The following SENP6 variants were observed in gnomAD, a reference collection of about 807,000 sequenced individuals.
SENP6 encodes the protein sentrin-specific protease 6.
A neutral mutation model predicts 134.5 loss-of-function variants in SENP6; 41 were observed. The ratio of observed to expected loss-of-function variants is 0.30; its 90% CI spans 0.24 to 0.40. SENP6 has a LOEUF of 0.40. Among genes scored for constraint, SENP6 ranks in the 10% least tolerant of loss-of-function variants. SENP6 has a pLI of 1.00. For missense variants in SENP6, 1,248 were observed against 1,312.5 expected (o/e 0.95, Z 0.76); for synonymous variants, 395 against 429.8 (o/e 0.92, Z 1.00).
intron 1 of SENP6, among the ~76,000 whole-genome samples, chr6:75,605,213 A>G (rs185326082): frequency 6.6e-6 from 1 of 152,332 alleles, no homozygotes; most frequent in African/African-American, 2.4e-5. Context: ...TTTACTTTCC[A>G]GTCGAGTCCT....
intron 1 of SENP6, among the ~76,000 whole-genome samples, chr6:75,604,902 G>C (rs1363481878): frequency 6.6e-6 from 1 of 151,246 alleles, no homozygotes; most frequent in Non-Finnish European, 1.5e-5. Context: ...GTGAAACCCC[G>C]TCTCTACTAA....
At position 75,675,896 on chromosome 6, in the gene SENP6, C is replaced by A. The variant is rs1263716757; in HGVS notation, c.1463C>A (p.Thr488Asn). The A allele has an allele frequency of 3.7e-6, 6 of 1,607,672 alleles. No homozygotes were observed. The highest frequency in any genetic ancestry group is 5.1e-6 in the Non-Finnish European group (6 of 1,177,954). ...DHDPVEIILN[T>N]SDLTKCEWCN... is the part of the protein sequence containing the mutation. ...GATCCTGTAGAGATTATATTAAATA[C>A]CTCTGATCTAACTAAATGTGAATGG... is the stretch of plus-strand genomic sequence containing the variant. Residue 488 changes from threonine (T) to asparagine (N), a missense_variant, in exon 13 of 24, where the codon ACC becomes AAC. This residue lies in a region of SENP6 where 733 missense variants were observed against 725.4 expected (regional missense o/e 1.01). Coordinates refer to ENST00000447266, the MANE Select transcript of SENP6 (RefSeq NM_015571.4).
At chr6:75,665,765 G>A (rs1157983426) in intron 9 of SENP6, among the ~76,000 whole-genome samples, 2 of 152,076 alleles carry the variant, frequency 1.3e-5, no homozygotes, top group Non-Finnish European at 2.9e-5. Context: ...GGTGGCTCAC[G>A]CCTGTAATCC....
intron 6 of SENP6, among the ~76,000 whole-genome samples, chr6:75,644,542 T>C (rs1470518461): frequency 6.6e-6 from 1 of 151,456 alleles, no homozygotes; most frequent in Non-Finnish European, 1.5e-5. Flanking sequence ...TAGAGGGCAA[T>C]GGTGCAACCT....
At chr6:75,693,945 A>C (rs962125368) in intron 16 of SENP6, among the ~76,000 whole-genome samples, 1 of 152,108 alleles carries the variant, frequency 6.6e-6, no homozygotes, top group Admixed American at 6.6e-5. Flanking sequence ...TGTATAAAAA[A>C]ATAACTAAGG....
At chr6:75,619,445 A>ATGTGTGTGTGTGTGTGTGTGTG (rs61131437) in intron 1 of SENP6, among the ~76,000 whole-genome samples, 1 of 149,248 alleles carries the variant, frequency 6.7e-6, no homozygotes, top group African/African-American at 2.5e-5. Flanking sequence ...CGTTGTGTCT[A>ATGTGTGTGTGTGTGTGTGTGTG]TGTGTGTGTG....
chr6:75,709,449 T>C (rs974814581), intron 19 of SENP6, 78 bp from the exon 20 acceptor site: 2 of 886,720 alleles, frequency 2.3e-6, no homozygotes, highest in Non-Finnish European at 3.6e-6. Flanking sequence ...AATTAACTAC[T>C]AGCATTAATT....
At chr6:75,646,687 T>G (rs183161316) in intron 6 of SENP6, 1 of 152,390 alleles carries the variant, frequency 6.6e-6, no homozygotes, top group Non-Finnish European at 1.5e-5. Flanking sequence ...ATACAAAAAA[T>G]TAGCTGGGCG....
intron 6 of SENP6, among the ~76,000 whole-genome samples, chr6:75,644,711 C>A (rs1246598680): frequency 6.6e-6 from 1 of 152,186 alleles, no homozygotes; most frequent in African/African-American, 2.4e-5. Flanking sequence ...CCGCGAACTC[C>A]TGGCCTCAAG....
In SENP6 at chr6:75,695,806, A is replaced by T; in HGVS notation, c.2078A>T (p.Tyr693Phe). Residue 693 changes from tyrosine (Y) to phenylalanine (F), a missense_variant and splice_region_variant, in exon 17 of 24, where the codon TAC (tyrosine) becomes TTC (phenylalanine). Physicochemically the swap from Tyr to Phe is conservative, Grantham distance 22 (BLOSUM62 3). Transcript: ENST00000447266. ...NDVIIDFYLK[Y>F]LVLEKLKKED... is the part of the protein sequence containing the mutation. ...TTGAATTATTTTCTATCAAATAGAT[A>T]CTTGGTGCTTGAAAAACTGAAGAAG... 1 of 1,577,380 alleles carries T rather than the reference A, an allele frequency of 6.3e-7. No individual in the cohort carries two copies. Among genetic ancestry groups the T allele is most frequent in the Non-Finnish European group, 8.6e-7 (1 of 1,162,586 alleles).
chr6:75,622,727 G>T, intron 2 of SENP6: 1 of 1,175,786 alleles, frequency 8.5e-7, no homozygotes, highest in Non-Finnish European at 1.1e-6. Context: ...AAGTCATTCA[G>T]AATATATTGG....
chr6:75,709,377 T>TA, intron 19 of SENP6, 150 bp from the exon 20 acceptor site: 1 of 519,706 alleles, frequency 1.9e-6, no homozygotes, highest in Non-Finnish European at 3.4e-6. Context: ...TAAAATAACT[T>TA]ACTTTATGTT....
At chr6:75,614,178 ATT>A (rs1273531442) in intron 1 of SENP6, among the ~76,000 whole-genome samples, 1 of 151,696 alleles carries the variant, frequency 6.6e-6, no homozygotes, top group Admixed American at 6.6e-5. Flanking sequence ...CATGATGTCA[ATT>A]TGTCTTGTTG....
chr6:75,622,687 A>G (rs960534642), intron 2 of SENP6: 4 of 800,712 alleles, frequency 5.0e-6, no homozygotes, highest in African/African-American at 3.6e-5. Context: ...TACCAAAACT[A>G]TAAATATGTT....
chr6:75,677,202 C>T lies in SENP6; in HGVS notation c.1794C>T (p.Thr598=). The T allele has an allele frequency of 2.5e-6, 4 of 1,608,718 alleles. No homozygotes were observed. Among genetic ancestry groups the T allele is most frequent in the Non-Finnish European group, 3.4e-6 (4 of 1,177,638 alleles). ...ANGRLVACTR[T]YEESIKGSCG... is the part of the protein sequence containing the mutation. The stretch of plus-strand genomic sequence containing the variant: ...GCAGACTTGTTGCCTGTACAAGAAC[C>T]TATGAAGAGAGCATCAAAGGAAGTT... Residue 598 remains threonine, a synonymous_variant, in exon 14 of 24, where the codon ACC becomes ACT. Coordinates refer to ENST00000447266, the MANE Select transcript of SENP6 (RefSeq NM_015571.4).
chr6:75,661,796 C>G (rs1475073501), intron 8 of SENP6, among the ~76,000 whole-genome samples: 1 of 152,090 alleles, frequency 6.6e-6, no homozygotes, highest in African/African-American at 2.4e-5. Flanking sequence ...TGCCTGTAAT[C>G]CCAGCACTTT....
chr6:75,681,916 A>C (rs1315873115), intron 16 of SENP6, among the ~76,000 whole-genome samples: 4 of 152,162 alleles, frequency 2.6e-5, no homozygotes, highest in African/African-American at 9.7e-5. Flanking sequence ...GAAATTTTAG[A>C]ACTCAAAATA....
chr6:75,715,208 A>G (rs573393608), intron 23 of SENP6, among the ~76,000 whole-genome samples, 177 bp from the exon 24 acceptor site: 1 of 152,302 alleles, frequency 6.6e-6, no homozygotes, highest in African/African-American at 2.4e-5. Context: ...TCTATGATAG[A>G]AACTGTGTCT....
chr6:75,629,682 G>A (rs1417583906), intron 3 of SENP6, among the ~76,000 whole-genome samples: 1 of 152,152 alleles, frequency 6.6e-6, no homozygotes, highest in Non-Finnish European at 1.5e-5. Context: ...GTGTCCCAGG[G>A]ATATATACAT....
Sources: gnomAD v4.1 joint callset for allele counts (sites outside exome capture counted in the v4.1 genomes callset) on GRCh38, gnomAD v4.1.1 for gene constraint, gnomAD v4.1.1 regional missense constraint, MANE v1.5 for transcripts, NCBI Gene and HGNC (gene_info 2026-07-23, HGNC 2026-07-21) for gene names.